The following USP54 variants were observed in gnomAD, a reference collection of about 807,000 sequenced individuals.
USP54 encodes the protein ubiquitin carboxyl-terminal hydrolase 54.
Under a neutral mutation model 170.5 loss-of-function variants are expected in USP54, and 87 were observed. The ratio of observed to expected loss-of-function variants is 0.51; its 90% CI spans 0.43 to 0.61. USP54 has a LOEUF of 0.61. Ranked by LOEUF, USP54 falls within the 20% of genes least tolerant of loss-of-function variation. The probability of loss-of-function intolerance (pLI) is 0.00; values close to 1 mark genes in which losing one functional copy is unlikely to be tolerated. For missense variants in USP54, 1,786 were observed against 2,047.8 expected (o/e 0.87, Z 2.47); for synonymous variants, 655 against 742.8 (o/e 0.88, Z 1.92).
chr10:73,550,364 T>C (rs1170513829), intron 4 of USP54, among the ~76,000 whole-genome samples: 1 of 152,242 alleles, frequency 6.6e-6, no homozygotes, highest in Non-Finnish European at 1.5e-5. Flanking sequence ...TCATTTCCTG[T>C]GGATTTTTTA....
chr10:73,561,851 G>C (rs1195753976), intron 4 of USP54, among the ~76,000 whole-genome samples: 1 of 152,002 alleles, frequency 6.6e-6, no homozygotes, highest in African/African-American at 2.4e-5. Context: ...GGCAATTTAG[G>C]GATCTGGAAA....
upstream of USP54, among the ~76,000 whole-genome samples, chr10:73,593,724 A>G (rs1039709273): frequency 6.6e-6 from 1 of 152,238 alleles, no homozygotes; most frequent in African/African-American, 2.4e-5. Context: ...GAGTAAATCA[A>G]TCAAGAAAAA....
intron 1 of USP54, among the ~76,000 whole-genome samples, chr10:73,616,825 AAAAACAAAAC>A (rs770662219): frequency 2.7e-5 from 4 of 150,472 alleles, no homozygotes; most frequent in Middle Eastern, 3.4e-3. Flanking sequence ...ACTCTGTCTC[AAAAACAAAAC>A]AAAACAAAAC....
chr10:73,528,572 CTT>C (rs1263435994), intron 15 of USP54, among the ~76,000 whole-genome samples: 4 of 142,098 alleles, frequency 2.8e-5, no homozygotes, highest in Non-Finnish European at 3.1e-5. Context: ...GTTTTTGTTT[CTT>C]TTTTTTTTTT....
intron 15 of USP54, among the ~76,000 whole-genome samples, chr10:73,528,250 TTTTG>T (rs956503794): frequency 8.9e-5 from 13 of 145,408 alleles, no homozygotes; most frequent in East Asian, 4.2e-4. Flanking sequence ...TACATTCTTT[TTTTG>T]TTTGTTTGTT....
intron 18 of USP54, among the ~76,000 whole-genome samples, chr10:73,520,591 C>G (rs1423812230): frequency 6.6e-6 from 1 of 152,194 alleles, no homozygotes; most frequent in Non-Finnish European, 1.5e-5. Context: ...AACCCACTAG[C>G]CAGTGACTAG....
intron 10 of USP54, among the ~76,000 whole-genome samples, chr10:73,538,552 C>A (rs181577528): frequency 6.6e-6 from 1 of 151,808 alleles, no homozygotes; most frequent in Non-Finnish European, 1.5e-5. Context: ...CTGTGGCTCA[C>A]GCCTGTAATC....
At chr10:73,556,843 T>C (rs149530448) in intron 4 of USP54, among the ~76,000 whole-genome samples, 4 of 152,098 alleles carry the variant, frequency 2.6e-5, no homozygotes, top group Non-Finnish European at 5.9e-5. Flanking sequence ...ATATAGATAT[T>C]ACAGGATACC....
Position 73,505,292 on chromosome 10 carries a change from CACCTGAGGCTGCT to C in USP54, c.4170+3_4170+15del, listed in dbSNP as rs769619236. ...CACCACCCCAGGCCCAGCACCTTAG[CACCTGAGGCTGCT>C]ACCTGAGAAGTACGCACTGTTCTGG... is the stretch of plus-strand genomic sequence containing the variant. On this transcript the variant is annotated splice_donor_5th_base_variant and intron_variant, in intron 21 of 23. Transcript: ENST00000687698. The C allele has an allele frequency of 1.2e-6, 2 of 1,609,512 alleles. No homozygotes were observed. Among genetic ancestry groups the C allele is most frequent in the East Asian group, 2.2e-5 (1 of 44,820 alleles).
chr10:73,504,634 G>A (rs187560166), intron 22 of USP54: 521 of 623,954 alleles, frequency 8.3e-4, no homozygotes, highest in African/African-American at 8.0e-3. Flanking sequence ...CAACACGCAC[G>A]GCCTTTCAGA....
intron 1 of USP54, among the ~76,000 whole-genome samples, chr10:73,599,900 T>G (rs914552046): frequency 6.1e-5 from 7 of 113,978 alleles, no homozygotes; most frequent in African/African-American, 2.8e-4. Flanking sequence ...CACTTTGGGC[T>G]TTTTTTTTTT....
intron 1 of USP54, among the ~76,000 whole-genome samples, chr10:73,607,847 A>G (rs2079802725): frequency 6.6e-6 from 1 of 151,650 alleles, no homozygotes; most frequent in African/African-American, 2.4e-5. Flanking sequence ...AAAAAAAAAA[A>G]GAAAACTAAG....
At chr10:73,505,111 AT>A in intron 21 of USP54, 121 bp from the exon 22 acceptor site, 1 of 1,390,676 alleles carries the variant, frequency 7.2e-7, no homozygotes, top group East Asian at 2.3e-5. Flanking sequence ...AGACACCTGA[AT>A]TAGATGTATT....
chr10:73,576,622 C>T (rs1463019013), intron 1 of USP54, among the ~76,000 whole-genome samples: 2 of 151,882 alleles, frequency 1.3e-5, no homozygotes, highest in African/African-American at 4.8e-5. Context: ...GAAAGTTGAT[C>T]TGGATAGAAA....
intron 4 of USP54, among the ~76,000 whole-genome samples, chr10:73,570,664 G>C (rs1349059710): frequency 2.7e-5 from 4 of 149,104 alleles, no homozygotes; most frequent in Non-Finnish European, 5.9e-5. Flanking sequence ...CTCCCACCTT[G>C]ACCTCCCAAA....
At chr10:73,587,940 A>T (rs1471151812) in intron 1 of USP54, among the ~76,000 whole-genome samples, 2 of 152,194 alleles carry the variant, frequency 1.3e-5, no homozygotes, top group African/African-American at 4.8e-5. Flanking sequence ...TGCTGAAAGG[A>T]TGCAACAAAA....
intron 20 of USP54, among the ~76,000 whole-genome samples, chr10:73,512,274 G>A (rs1450361554): frequency 6.6e-6 from 1 of 151,958 alleles, no homozygotes; most frequent in Non-Finnish European, 1.5e-5. Context: ...CAAGTAGCTG[G>A]ACTACTGACC....
chr10:73,517,847 AG>A (rs2061295709), intron 19 of USP54, 100 bp from the exon 20 acceptor site: 1 of 1,390,654 alleles, frequency 7.2e-7, no homozygotes, highest in Non-Finnish European at 9.8e-7. Flanking sequence ...CTATTCACAC[AG>A]GGAATGGTAA....
Position 73,497,917 on chromosome 10 carries a change from A to G in USP54, c.*712T>C, listed in dbSNP as rs1425943700. On this transcript the variant is annotated 3_prime_UTR_variant, in exon 24 of 24. Coordinates refer to ENST00000687698, the MANE Select transcript of USP54 (RefSeq NM_001391956.1). The stretch of plus-strand genomic sequence containing the variant: ...GGTAATAGGGATAGGTGGATAAAAC[A>G]AAGAGTAGAAGTTGGGAGTATAGTA... The G allele has an allele frequency of 6.6e-6, 1 of 152,290 alleles. No homozygotes were observed. Among genetic ancestry groups the G allele is most frequent in the African/African-American group, 2.4e-5 (1 of 41,452 alleles). The allele number at this position is 152,290 out of a possible 1,614,324, so 9.4% of individuals were successfully genotyped here.
Sources: gnomAD v4.1 joint callset for allele counts (sites outside exome capture counted in the v4.1 genomes callset) on GRCh38, gnomAD v4.1.1 for gene constraint, MANE v1.5 for transcripts, NCBI Gene and HGNC (gene_info 2026-07-23, HGNC 2026-07-21) for gene names.